ASF1B: variants seen among roughly 807,000 people sequenced by gnomAD.
ASF1B encodes histone chaperone ASF1B.
Under a neutral mutation model 16.6 loss-of-function variants are expected in ASF1B, and 10 were observed. The ratio of observed to expected loss-of-function variants is 0.60; its 90% CI spans 0.37 to 1.02. The LOEUF is 1.02. Ranked by LOEUF, ASF1B falls within the 50% of genes least tolerant of loss-of-function variation. The pLI, the probability that ASF1B is intolerant of heterozygous loss-of-function variation, is 0.01. For missense variants in ASF1B, 240 were observed against 266.0 expected (o/e 0.90, Z 0.68); for synonymous variants, 101 against 106.2 (o/e 0.95, Z 0.30).
Position 14,136,516 on chromosome 19 carries a change from CT to C in ASF1B, c.-61del. The C allele has an allele frequency of 6.5e-7, 1 of 1,530,146 alleles. No homozygotes were observed. The highest frequency in any genetic ancestry group is 1.7e-4 in the Middle Eastern group (1 of 5,790). 94.8% of individuals were successfully genotyped at this position (1,530,146 alleles called of 1,614,324 possible). On this transcript the variant is annotated 5_prime_UTR_variant, in exon 1 of 4. Transcript: ENST00000263382. ...GCTGTGGCTGTGGCGGAGGCCGCGC[CT>C]GGGTCCGGTGGGGTCAGTGGGGTAG...
intron 1 of ASF1B, among the ~76,000 whole-genome samples, chr19:14,135,232 A>G (rs1475406052): frequency 6.6e-6 from 1 of 151,734 alleles, no homozygotes; most frequent in African/African-American, 2.4e-5. Flanking sequence ...AAAAAAAAAA[A>G]AAAAAAAAAG....
chr19:14,122,506 C>T (rs371404539), intron 2 of ASF1B, among the ~76,000 whole-genome samples: 1 of 151,896 alleles, frequency 6.6e-6, no homozygotes, highest in Non-Finnish European at 1.5e-5. Flanking sequence ...GCTGGGACAA[C>T]GGTGTGTGCC....
chr19:14,128,192 G>T (rs1461237179), intron 1 of ASF1B, among the ~76,000 whole-genome samples: 1 of 152,292 alleles, frequency 6.6e-6, no homozygotes, highest in South Asian at 2.1e-4. Flanking sequence ...GCAGCTGGGG[G>T]AAGTTTCACA....
chr19:14,125,026 G>C lies in ASF1B; in HGVS notation c.225+1096C>G, dbSNP rs187236301. On this transcript the variant is annotated intron_variant, in intron 2 of 3. Transcript: ENST00000263382. ...GTATCACCCAGGCTAGAGTGCACTG[G>C]TGCGATCTCAGCTCACTGCAATCTC... Among the ~76,000 whole-genome samples, 411 of 152,252 alleles carry C rather than the reference G, an allele frequency of 2.7e-3. 1 individual carries two copies. The highest frequency in any genetic ancestry group is 9.0e-3 in the African/African-American group (373 of 41,542).
In ASF1B at chr19:14,121,593, T is replaced by A; in HGVS notation, c.341A>T (p.Asn114Ile). 6.2e-7 allele frequency: 1 copy of A among 1,614,074 alleles called. No homozygotes were observed. The highest frequency in any genetic ancestry group is 8.5e-7 in the Non-Finnish European group (1 of 1,180,014). The part of the protein sequence containing the change: ...QEFIRVGYYV[N>I]NEYLNPELRE... Reference sequence around the variant, plus strand: ...CAGCTCAGGGTTGAGGTACTCGTTGTTGACGTAGTAGCCCACTCGGATGAA... The same window carrying A: ...CAGCTCAGGGTTGAGGTACTCGTTGATGACGTAGTAGCCCACTCGGATGAA... Residue 114 changes from asparagine (N) to isoleucine (I), a missense_variant, in exon 3 of 4, where the codon AAC becomes ATC. Coordinates refer to ENST00000263382, the MANE Select transcript of ASF1B (RefSeq NM_018154.3).
At chr19:14,122,551 G>C (rs1280526905) in intron 2 of ASF1B, among the ~76,000 whole-genome samples, 1 of 151,276 alleles carries the variant, frequency 6.6e-6, no homozygotes, top group Non-Finnish European at 1.5e-5. Flanking sequence ...GTAGAGACAG[G>C]GTTTCTCCAT....
intron 1 of ASF1B, among the ~76,000 whole-genome samples, chr19:14,134,460 A>AC (rs1967455385): frequency 6.6e-6 from 1 of 151,796 alleles, no homozygotes; most frequent in South Asian, 2.1e-4. Context: ...CAAAACACCT[A>AC]CCTGCCCCCG....
Position 14,136,402 on chromosome 19 carries a change from G to A in ASF1B, c.55C>T (p.His19Tyr), listed in dbSNP as rs1330713226. ...CTGATCTCGAACCGGAAGGGGCTGT[G>A]GAAAGGGCTCGGGTTCTCCAGGACC... ...VAVLENPSPFHSPFRFEISFE... is the reference protein window; with the variant it reads ...VAVLENPSPFYSPFRFEISFE... Residue 19 changes from histidine to tyrosine, a missense_variant, in exon 1 of 4, where the codon CAC becomes TAC. Physicochemically the swap from His to Tyr is moderately conservative, Grantham distance 83. Transcript: ENST00000263382. The A allele has an allele frequency of 1.9e-6, 3 of 1,613,740 alleles. No individual in the cohort carries two copies. The highest frequency in any genetic ancestry group is 2.7e-5 in the African/African-American group (2 of 74,904).
intron 2 of ASF1B, among the ~76,000 whole-genome samples, chr19:14,124,152 G>T (rs1044805377): frequency 1.3e-5 from 2 of 151,904 alleles, no homozygotes; most frequent in Non-Finnish European, 2.9e-5. Context: ...GCATCACTAT[G>T]CCTGGTTAAT....
chr19:14,120,778 G>T, intron 3 of ASF1B, 113 bp from the exon 4 acceptor site: 1 of 844,012 alleles, frequency 1.2e-6, no homozygotes. Context: ...ACCTACATAT[G>T]GAACTCCAGA....
chr19:14,135,879 T>C (rs1228087413), intron 1 of ASF1B, among the ~76,000 whole-genome samples: 2 of 150,498 alleles, frequency 1.3e-5, no homozygotes, highest in African/African-American at 4.9e-5. Flanking sequence ...GAAGCGGGGG[T>C]CTTGCCACAG....
intron 1 of ASF1B, 35 bp downstream of exon 1, chr19:14,136,313 C>T (rs1348783585): frequency 1.3e-6 from 2 of 1,580,796 alleles, no homozygotes; most frequent in East Asian, 2.3e-5. Context: ...GGGGTCGGCC[C>T]GGGGGTGGGG....
intron 3 of ASF1B, 81 bp from the exon 4 acceptor site, chr19:14,120,746 C>G (rs1599355716): frequency 1.5e-6 from 2 of 1,370,206 alleles, no homozygotes; most frequent in East Asian, 4.8e-5. Flanking sequence ...CCCAATCACC[C>G]ATCTCAAGCC....
At chr19:14,121,275 ATTTTTTTTT>A (rs71170594) in intron 3 of ASF1B, 2 of 298,402 alleles carry the variant, frequency 6.7e-6, no homozygotes, top group Admixed American at 6.4e-5. Flanking sequence ...TGTCTGGCTC[ATTTTTTTTT>A]TTTTTTTTTT....
At chr19:14,135,703 G>A (rs1202880348) in intron 1 of ASF1B, among the ~76,000 whole-genome samples, 1 of 152,114 alleles carries the variant, frequency 6.6e-6, no homozygotes, top group Non-Finnish European at 1.5e-5. Flanking sequence ...AAGGAGAGAG[G>A]AGCTTGGGTG....
Position 14,120,626 on chromosome 19 carries a change from G to A in ASF1B, c.442C>T (p.Arg148Cys), listed in dbSNP as rs759365999. The change falls in exon 4 of 4, where the codon CGC (arginine) becomes TGC (cysteine). Residue 148 changes from arginine (R) to cysteine (C), a missense_variant. By Grantham distance (180) the Arg-to-Cys change is radical (BLOSUM62 -3). Coordinates refer to ENST00000263382, the MANE Select transcript of ASF1B (RefSeq NM_018154.3). Reference protein sequence around the residue: ...NILASNPRVTRFHINWDNNMD... With the variant: ...NILASNPRVTCFHINWDNNMD... ...TTGTTGTCCCAGTTGATATGGAAGC[G>A]GGTCACCCGGGGGTTCGAGGCCAAG... The A allele has an allele frequency of 2.6e-5, 42 of 1,613,938 alleles. No individual in the cohort carries two copies. Among genetic ancestry groups the A allele is most frequent in the East Asian group, 4.5e-5 (2 of 44,876 alleles).
chr19:14,134,165 G>A (rs981546084), intron 1 of ASF1B, among the ~76,000 whole-genome samples: 1 of 151,960 alleles, frequency 6.6e-6, no homozygotes, highest in African/African-American at 2.4e-5. Flanking sequence ...TCCTGCCGTC[G>A]GGGAGCTGGG....
intron 1 of ASF1B, among the ~76,000 whole-genome samples, chr19:14,130,599 A>G (rs921222164): frequency 6.6e-6 from 1 of 151,924 alleles, no homozygotes; most frequent in Non-Finnish European, 1.5e-5. Context: ...AGAATTATAC[A>G]TGGGACACAA....
Position 14,126,252 on chromosome 19 carries a change from G to C in ASF1B, c.110-15C>G, listed in dbSNP as rs773938801. The stretch of plus-strand genomic sequence containing the variant: ...CCACTCCAGGTCTGCAAAGATATAG[G>C]AGGGTTAACTAATTGAAATAGCTCA... On this transcript the variant is annotated splice_polypyrimidine_tract_variant and intron_variant, in intron 1 of 3. Coordinates refer to ENST00000263382, the MANE Select transcript of ASF1B (RefSeq NM_018154.3). The C allele has an allele frequency of 1.9e-6, 3 of 1,586,536 alleles. No homozygotes were observed. In the South Asian group the frequency reaches 3.3e-5, roughly 18 times the overall value.
Sources: allele counts gnomAD v4.1 joint callset (sites outside exome capture counted in the v4.1 genomes callset), GRCh38; gene constraint gnomAD v4.1.1; transcripts MANE v1.5; gene names NCBI Gene and HGNC (gene_info 2026-07-23, HGNC 2026-07-21).